The following PDE4D variants were observed in gnomAD, a reference collection of about 807,000 sequenced individuals.
PDE4D encodes the protein phosphodiesterase 4D.
In PDE4D, 24 loss-of-function variants were observed where a neutral mutation model predicts 87.4. The observed-to-expected ratio is 0.27, with a 90% CI of 0.20 to 0.39. The LOEUF (loss-of-function observed/expected upper bound fraction) is 0.39. PDE4D is among the 10% of genes least tolerant of loss of function. PDE4D has a pLI of 1.00. For missense variants in PDE4D, 714 were observed against 1,041.0 expected, an observed-to-expected ratio of 0.69 and a Z score of 4.32; for synonymous variants, 384 against 383.2, an observed-to-expected ratio of 1.00 and a Z score of -0.02.
chr5:59,631,660 C>T (rs1403917544), intron 1 of PDE4D, among the ~76,000 whole-genome samples: 1 of 152,172 alleles, frequency 6.6e-6, no homozygotes, highest in Non-Finnish European at 1.5e-5. Context: ...GAACTCCCTC[C>T]TCTACCCAAG....
At chr5:60,185,624 G>C (rs1383543413) in exon 2 of PDE4D, 1 of 1,483,402 alleles carries the variant, frequency 6.7e-7, no homozygotes. Context: ...AATTAAAATG[G>C]GAACTAGTGT....
intron 2 of PDE4D, among the ~76,000 whole-genome samples, chr5:59,996,927 A>G (rs1763573570): frequency 2.0e-5 from 3 of 152,178 alleles, no homozygotes; most frequent in Non-Finnish European, 2.9e-5. Flanking sequence ...CATACTGATT[A>G]GAAGAGACAG....
intron 1 of PDE4D, among the ~76,000 whole-genome samples, chr5:59,755,215 G>A (rs747668385): frequency 6.6e-5 from 10 of 152,092 alleles, no homozygotes; most frequent in African/African-American, 1.9e-4. Flanking sequence ...TTTGCTAAAT[G>A]CCATTTTAAA....
chr5:59,031,384 TATATATATTA>T (rs1320166630), intron 6 of PDE4D, among the ~76,000 whole-genome samples: 26 of 42,636 alleles, frequency 6.1e-4, no homozygotes, highest in South Asian at 2.4e-3. Context: ...TATATATATA[TATATATATTA>T]TATATATATA....
chr5:60,329,812 C>T (rs1757160309), intron 1 of PDE4D, among the ~76,000 whole-genome samples: 1 of 152,010 alleles, frequency 6.6e-6, no homozygotes, highest in Non-Finnish European at 1.5e-5. Context: ...GATTTAATGT[C>T]AATGCAATCT....
chr5:59,445,287 A>G (rs925136260), intron 1 of PDE4D, among the ~76,000 whole-genome samples: 2 of 152,238 alleles, frequency 1.3e-5, no homozygotes, highest in African/African-American at 4.8e-5. Flanking sequence ...AGGAAGAATC[A>G]TTCAGTACCA....
intron 1 of PDE4D, among the ~76,000 whole-genome samples, chr5:59,732,058 G>A (rs1280729194): frequency 6.6e-6 from 1 of 152,114 alleles, no homozygotes; most frequent in African/African-American, 2.4e-5. Context: ...TCCAAAATCT[G>A]TCTAGATAGA....
intron 1 of PDE4D, among the ~76,000 whole-genome samples, chr5:59,619,867 G>A (rs1341881252): frequency 6.6e-6 from 1 of 152,170 alleles, no homozygotes; most frequent in African/African-American, 2.4e-5. Context: ...AAATTATTTG[G>A]CTGTTAGAGG....
chr5:60,246,434 C>T (rs1747791610), intron 1 of PDE4D, among the ~76,000 whole-genome samples: 1 of 151,732 alleles, frequency 6.6e-6, no homozygotes, highest in Admixed American at 6.6e-5. Flanking sequence ...TATATTGAAT[C>T]TTATGCTCTC....
chr5:60,095,131 TG>T (rs557154244), intron 2 of PDE4D, among the ~76,000 whole-genome samples: 36 of 152,278 alleles, frequency 2.4e-4, no homozygotes, highest in Admixed American at 2.2e-3. Flanking sequence ...ACACGTGCCA[TG>T]GTGGTTTGCT....
chr5:60,160,894 T>C (rs1463529331), intron 2 of PDE4D: 2 of 402,336 alleles, frequency 5.0e-6, no homozygotes, highest in Non-Finnish European at 9.7e-6. Context: ...TTCCATGTCA[T>C]TTTTTTAATT....
rs561250617 is a variant in PDE4D at position 58,995,523 on chromosome 5, A to C, written c.922-2058T>G. Among the ~76,000 whole-genome samples, 6 of 152,290 alleles carry C rather than the reference A, an allele frequency of 3.9e-5. No individual in the cohort carries two copies. The East Asian group carries it at 1.2e-3, about 29-fold the overall frequency. ...AAAGTTATATTTTCTTGAGTAAATT[A>C]TGGGCTATCATATAATTTAATGAGC... is the stretch of plus-strand genomic sequence containing the variant. On this transcript the variant is annotated intron_variant, in intron 6 of 14. Transcript: ENST00000340635.
chr5:59,792,504 AGGGTGGC>A (rs2152649545), intron 1 of PDE4D, among the ~76,000 whole-genome samples: 1 of 151,934 alleles, frequency 6.6e-6, no homozygotes, highest in African/African-American at 2.4e-5. Flanking sequence ...AGCACTAACA[AGGGTGGC>A]CAATGCAACA....
intron 1 of PDE4D, among the ~76,000 whole-genome samples, chr5:60,281,738 T>C (rs1267271554): frequency 6.6e-6 from 1 of 152,006 alleles, no homozygotes; most frequent in Non-Finnish European, 1.5e-5. Flanking sequence ...AAAGTAAGAA[T>C]AAGAAAAGAA....
At position 59,893,443 on chromosome 5, in the gene PDE4D, C is replaced by G. The variant is rs1474045795; in HGVS notation, c.180G>C (p.Pro60=). 1 of 1,509,126 alleles carries G rather than the reference C, an allele frequency of 6.6e-7. No individual in the cohort carries two copies. The highest frequency in any genetic ancestry group is 8.9e-7 in the Non-Finnish European group (1 of 1,126,630). 93.5% of individuals were successfully genotyped at this position (1,509,126 alleles called of 1,614,324 possible). A position where few individuals can be genotyped will look rare whatever the true frequency, so the allele number is the denominator to read the frequency against. The change falls in exon 1 of 15, where the codon CCG becomes CCC. Residue 60 remains proline, a synonymous_variant. Transcript: ENST00000340635. ...LLHPHHHLPP[P]PPPSPQPQPQ... ...GCTGGGGCTGGGGCGAGGGTGGCGGCGGCGGGGGCAGGTGGTGATGGGGAT... is the reference window on the plus strand; with the variant it reads ...GCTGGGGCTGGGGCGAGGGTGGCGGGGGCGGGGGCAGGTGGTGATGGGGAT...
At chr5:59,792,590 GAGA>G (rs1481553355) in intron 1 of PDE4D, among the ~76,000 whole-genome samples, 1 of 152,198 alleles carries the variant, frequency 6.6e-6, no homozygotes, top group Non-Finnish European at 1.5e-5. Flanking sequence ...TGCCGTGAAG[GAGA>G]AGAACGCAAG....
chr5:60,414,178 G>C (rs1054857770), intron 1 of PDE4D, among the ~76,000 whole-genome samples: 1 of 152,092 alleles, frequency 6.6e-6, no homozygotes, highest in Non-Finnish European at 1.5e-5. Flanking sequence ...CTGTGCACTA[G>C]CAGTCCTTGG....
At chr5:59,564,456 C>T (rs979995264) in intron 1 of PDE4D, among the ~76,000 whole-genome samples, 4 of 152,112 alleles carry the variant, frequency 2.6e-5, no homozygotes, top group Non-Finnish European at 4.4e-5. Flanking sequence ...CCATGTGGTC[C>T]TTCCAGTCAA....
chr5:59,315,176 C>T (rs1773465516), intron 1 of PDE4D, among the ~76,000 whole-genome samples: 1 of 152,126 alleles, frequency 6.6e-6, no homozygotes, highest in African/African-American at 2.4e-5. Context: ...GTCTGCATGC[C>T]TAACTTTTCC....
Sources: allele counts gnomAD v4.1 joint callset (sites outside exome capture counted in the v4.1 genomes callset), GRCh38; gene constraint gnomAD v4.1.1; transcripts MANE v1.5; gene names NCBI Gene and HGNC (gene_info 2026-07-23, HGNC 2026-07-21).